Variants in FAM107B observed in about 807,000 individuals in gnomAD.
FAM107B encodes the protein family with sequence similarity 107 member B.
In FAM107B, 21 loss-of-function variants were observed where a neutral mutation model predicts 31.5. The ratio of observed to expected loss-of-function variants is 0.67; its 90% CI spans 0.47 to 0.96. The LOEUF (loss-of-function observed/expected upper bound fraction) is 0.96, where lower values mean the gene tolerates loss of function less well. Ranked by LOEUF, FAM107B falls within the 40% of genes least tolerant of loss-of-function variation. FAM107B has a pLI of 0.00. For synonymous variants in FAM107B, 157 were observed against 141.5 expected, an observed-to-expected ratio of 1.11 and a Z score of -0.78; for missense variants, 452 against 377.1, an observed-to-expected ratio of 1.20 and a Z score of -1.64.
intron 2 of FAM107B, among the ~76,000 whole-genome samples, chr10:14,616,166 C>G (rs1394196691): frequency 6.6e-6 from 1 of 152,094 alleles, no homozygotes; most frequent in Non-Finnish European, 1.5e-5. Context: ...TTGTGGATGA[C>G]TGAACTGAGT....
At chr10:14,632,284 G>C (rs372026233) in intron 2 of FAM107B, among the ~76,000 whole-genome samples, 1 of 132,684 alleles carries the variant, frequency 7.5e-6, no homozygotes, top group African/African-American at 2.9e-5. Flanking sequence ...CAGCCTGGGG[G>C]ACAGAGCGAG....
At chr10:14,539,638 A>G (rs1442528754) in intron 2 of FAM107B, among the ~76,000 whole-genome samples, 1 of 152,192 alleles carries the variant, frequency 6.6e-6, no homozygotes, top group African/African-American at 2.4e-5. Flanking sequence ...AAGTCTCTAG[A>G]TAGAAGAAAA....
chr10:14,698,402 T>A (rs1164854195), intron 1 of FAM107B, among the ~76,000 whole-genome samples: 1 of 152,236 alleles, frequency 6.6e-6, no homozygotes, highest in Non-Finnish European at 1.5e-5. Context: ...CCGGGAGGAT[T>A]CTCTGAATAT....
chr10:14,632,326 A>G (rs1336962781), intron 2 of FAM107B, among the ~76,000 whole-genome samples: 1 of 147,918 alleles, frequency 6.8e-6, no homozygotes, highest in Non-Finnish European at 1.5e-5. Flanking sequence ...AAAAAAAAAA[A>G]AAATGCCGGG....
intron 2 of FAM107B, among the ~76,000 whole-genome samples, chr10:14,627,237 G>A (rs192918165): frequency 6.6e-6 from 1 of 152,196 alleles, no homozygotes; most frequent in Non-Finnish European, 1.5e-5. Context: ...AATTCTTAAA[G>A]TATTGCAATC....
intron 2 of FAM107B, among the ~76,000 whole-genome samples, chr10:14,638,669 C>T (rs983533724): frequency 6.6e-6 from 1 of 152,208 alleles, no homozygotes; most frequent in Non-Finnish European, 1.5e-5. Context: ...CACCTTCACT[C>T]ATCCCTTATC....
intron 1 of FAM107B, among the ~76,000 whole-genome samples, chr10:14,734,838 A>C (rs770462075): frequency 6.6e-6 from 1 of 152,148 alleles, no homozygotes; most frequent in South Asian, 2.1e-4. Context: ...TGTGCTTTTA[A>C]ATAGTTCATT....
At chr10:14,707,244 G>A (rs1314529275) in intron 1 of FAM107B, among the ~76,000 whole-genome samples, 6 of 152,164 alleles carry the variant, frequency 3.9e-5, no homozygotes. Context: ...AAAGAAAATT[G>A]TGGAAAGATG....
At chr10:14,756,392 T>A (rs963457523) in intron 1 of FAM107B, among the ~76,000 whole-genome samples, 1 of 152,214 alleles carries the variant, frequency 6.6e-6, no homozygotes, top group African/African-American at 2.4e-5. Flanking sequence ...ATGGTTAACA[T>A]CTACAATCAG....
Sources: allele counts gnomAD v4.1 joint callset (sites outside exome capture counted in the v4.1 genomes callset), GRCh38; gene constraint gnomAD v4.1.1; transcripts MANE v1.5; gene names NCBI Gene and HGNC (gene_info 2026-07-23, HGNC 2026-07-21).